The following HUWE1 variants were observed in gnomAD, a reference collection of about 807,000 sequenced individuals.
HUWE1 encodes HECT, UBA and WWE domain containing E3 ubiquitin protein ligase 1.
A neutral mutation model predicts 299.4 loss-of-function variants in HUWE1; 18 were observed. That is an observed-to-expected ratio of 0.06 (90% CI 0.04 to 0.09). The LOEUF (loss-of-function observed/expected upper bound fraction) is 0.09, where lower values mean the gene tolerates loss of function less well. Among genes scored for constraint, HUWE1 ranks in the 10% least tolerant of loss-of-function variants. HUWE1 has a pLI of 1.00. For missense variants in HUWE1, 1,832 were observed against 3,462.3 expected, an observed-to-expected ratio of 0.53 and a Z score of 11.82; for synonymous variants, 1,317 against 1,286.1, an observed-to-expected ratio of 1.02 and a Z score of -0.51.
chrX:53,590,296 T>C (rs2064089695), intron 35 of HUWE1, 108 bp downstream of exon 35: 2 of 598,186 alleles, frequency 3.3e-6, no homozygotes, highest in Non-Finnish European at 5.9e-6. Flanking sequence ...TTCTCATGTC[T>C]TCCTTTAGAT....
At chrX:53,594,465 G>A in intron 31 of HUWE1, 34 bp downstream of exon 31, 1 of 1,204,018 alleles carries the variant, frequency 8.3e-7, no homozygotes, top group East Asian at 3.0e-5. Context: ...CAAACTCCAA[G>A]AAATGCTCCT....
intron 9 of HUWE1, 66 bp downstream of exon 9, chrX:53,632,421 T>C (rs1557023490): frequency 6.1e-6 from 5 of 821,456 alleles, no homozygotes; most frequent in African/African-American, 4.0e-5. Context: ...TGAGGAGTTC[T>C]AGAAGAGGCA....
chrX:53,536,318 G>C (rs1238147423), intron 79 of HUWE1, 62 bp downstream of exon 79: 8 of 1,166,528 alleles, frequency 6.9e-6, no homozygotes, highest in Admixed American at 2.2e-5. Context: ...CACAAGGATG[G>C]GACACAAAAA....
rs781963902 is a variant in HUWE1 at position 53,603,394 on chromosome X, G to A, written c.2850C>T (p.Val950=). The change falls in exon 27 of 84, where the codon GTC becomes GTT. Residue 950 remains valine (V), a synonymous_variant. Transcript: ENST00000262854. The part of the protein sequence containing the change: ...LYCSLVWEST[V]LLSLCTPNSL... ...TGTTTGGGGTACACAGAGAGAGGAG[G>A]ACAGTGCTTTCCCACACCAGGGAAC... 2 of 1,208,876 alleles carry A rather than the reference G, an allele frequency of 1.7e-6. No homozygotes were observed. The highest frequency in any genetic ancestry group is 1.8e-5 in the South Asian group (1 of 56,828).
At position 53,537,485 on chromosome X, in the gene HUWE1, G is replaced by A. The variant is rs1402234225; in HGVS notation, c.12137+71C>T. The stretch of plus-strand genomic sequence containing the variant: ...GCACCTCCCTAAATTTGAGGCTAGA[G>A]CAAGCCATCGCTACTGTGCAGGAGG... On this transcript the variant is annotated intron_variant, in intron 78 of 83. Transcript: ENST00000262854. 4.6e-6 allele frequency: 5 copies of A among 1,098,374 alleles called. No individual in the cohort carries two copies. In the African/African-American group the frequency reaches 5.5e-5, roughly 12 times the overall value. 90.5% of individuals were successfully genotyped at this position (1,098,374 alleles called of 1,213,427 possible). A position where few individuals can be genotyped will look rare whatever the true frequency, so the allele number is the denominator to read the frequency against.
intron 73 of HUWE1, chrX:53,542,990 C>T (rs1024219743): frequency 8.5e-6 from 1 of 117,867 alleles, no homozygotes; most frequent in Admixed American, 8.9e-5. Context: ...CTCTCATGAG[C>T]GGGATTATTT....
chrX:53,539,936 T>G (rs1226248513), intron 74 of HUWE1, 124 bp from the exon 75 acceptor site: 2 of 608,264 alleles, frequency 3.3e-6, no homozygotes, highest in Non-Finnish European at 2.5e-6. Flanking sequence ...CACTGAGTGG[T>G]ACTCACCGAG....
chrX:53,555,299 G>A (rs1006271505), intron 60 of HUWE1, among the ~76,000 whole-genome samples: 1 of 111,907 alleles, frequency 8.9e-6, no homozygotes, highest in Non-Finnish European at 1.9e-5. Flanking sequence ...TCTATTTGGA[G>A]CAAGAAATGG....
Position 53,615,836 on chromosome X carries a change from C to CT in HUWE1, c.1958-2dup. The CT allele has an allele frequency of 2.5e-6, 3 of 1,184,575 alleles. No individual in the cohort carries two copies. The South Asian group carries it at 5.4e-5, about 21-fold the overall frequency. On this transcript the variant is annotated splice_acceptor_variant, in intron 21 of 83. Coordinates refer to ENST00000262854, the MANE Select transcript of HUWE1 (RefSeq NM_031407.7). LOFTEE classifies it high-confidence loss of function. ...CTCCCCAGGTTGGATGCAGTATCCC[C>CT]TTAAGGCAAAAAATGAACTGTTAGA...
intron 25 of HUWE1, among the ~76,000 whole-genome samples, chrX:53,606,641 G>A (rs1252039962): frequency 2.7e-5 from 3 of 111,771 alleles, no homozygotes; most frequent in Non-Finnish European, 3.8e-5. Context: ...AATATTATTA[G>A]GCCTTACAAG....
chrX:53,561,799 C>T lies in HUWE1; in HGVS notation c.7464G>A (p.Glu2488=). 1 of 1,211,357 alleles carries T rather than the reference C, an allele frequency of 8.3e-7. No individual in the cohort carries two copies. Among genetic ancestry groups the T allele is most frequent in the Non-Finnish European group, 1.1e-6 (1 of 895,313 alleles). ...PLVRFERFDR[E]DDLIIEFDNM... Reference sequence around the variant, plus strand: ...TGTCAAACTCAATGATGAGATCATCCTCCCGGTCAAAGCGCTCAAATCGGA... The same window carrying T: ...TGTCAAACTCAATGATGAGATCATCTTCCCGGTCAAAGCGCTCAAATCGGA... The change falls in exon 55 of 84, where the codon GAG becomes GAA. Residue 2488 remains glutamate (E), a synonymous_variant. Transcript: ENST00000262854.
chrX:53,545,168 A>G lies in HUWE1; in HGVS notation c.10916-7T>C, dbSNP rs1556921725. 2 of 1,209,506 alleles carry G rather than the reference A, an allele frequency of 1.7e-6. No homozygotes were observed. The highest frequency in any genetic ancestry group is 2.2e-6 in the Non-Finnish European group (2 of 894,400). On this transcript the variant is annotated splice_polypyrimidine_tract_variant and splice_region_variant and intron_variant, in intron 70 of 83. Coordinates refer to ENST00000262854, the MANE Select transcript of HUWE1 (RefSeq NM_031407.7). Reference sequence around the variant, plus strand: ...AGCTCGGCCAGCAGGGTACCTGAGCAGGCAGAGGAGTCAGCAAGTGTTCAG... The same window carrying G: ...AGCTCGGCCAGCAGGGTACCTGAGCGGGCAGAGGAGTCAGCAAGTGTTCAG...
intron 2 of HUWE1, among the ~76,000 whole-genome samples, chrX:53,685,708 A>T (rs1021235126): frequency 1.1e-4 from 12 of 112,171 alleles, no homozygotes; most frequent in Non-Finnish European, 2.1e-4. Context: ...ACTCTCGCAC[A>T]ACATTAAAGA....
intron 47 of HUWE1, among the ~76,000 whole-genome samples, chrX:53,573,332 G>C (rs1245080951): frequency 9.2e-6 from 1 of 109,278 alleles, no homozygotes; most frequent in Non-Finnish European, 1.9e-5. Flanking sequence ...TTGCCTCCTG[G>C]GTTCAAGTGA....
At chrX:53,578,147 A>G (rs2063279482) in intron 43 of HUWE1, among the ~76,000 whole-genome samples, 1 of 87,009 alleles carries the variant, frequency 1.1e-5, no homozygotes, top group African/African-American at 4.6e-5. Flanking sequence ...CCATCGTCTG[A>G]GATGTGGGGA....
intron 3 of HUWE1, among the ~76,000 whole-genome samples, chrX:53,660,020 T>C (rs1477523529): frequency 8.9e-6 from 1 of 112,288 alleles, no homozygotes; most frequent in Non-Finnish European, 1.9e-5. Context: ...TGACCTAGTG[T>C]ACTATACTAG....
At chrX:53,560,472 G>C (rs1425928445) in intron 55 of HUWE1, 56 bp from the exon 56 acceptor site, 1 of 1,048,937 alleles carries the variant, frequency 9.5e-7, no homozygotes, top group East Asian at 3.0e-5. Flanking sequence ...TTCCATGTTT[G>C]TTCAAGCAGA....
Position 53,537,618 on chromosome X carries a change from A to G in HUWE1, c.12075T>C (p.His4025=), listed in dbSNP as rs782799362. Residue 4025 remains histidine (H), a synonymous_variant, in exon 78 of 84, where the codon CAT becomes CAC. Transcript: ENST00000262854. ...EDMAVHVRRD[H]VFEDSYRELH... is the part of the protein sequence containing the mutation. ...GCTCACGATAGGAGTCTTCAAACAC[A>G]TGGTCACGACGGACATGCACAGCCA... The G allele has an allele frequency of 9.1e-6, 11 of 1,206,555 alleles. No homozygotes were observed. Among genetic ancestry groups the G allele is most frequent in the African/African-American group, 3.5e-5 (2 of 56,997 alleles).
rs1176139279 is a variant in HUWE1, at chrX:53,589,587, G to A, written c.4421C>T (p.Ala1474Val). The change falls in exon 36 of 84, where the codon GCA (alanine) becomes GTA (valine). Residue 1474 changes from alanine (A) to valine (V), a missense_variant. Transcript: ENST00000262854. ...LIMTAIKRNG[A>V]DYRDMILKQV... ...CTTCAGAATCATGTCACGATAATCT[G>A]CTCCATTACGTTTGATTGCTGTCAT... The A allele has an allele frequency of 8.3e-7, 1 of 1,208,827 alleles. No homozygotes were observed. Among genetic ancestry groups the A allele is most frequent in the African/African-American group, 1.8e-5 (1 of 57,036 alleles).
Sources: gnomAD v4.1 joint callset for allele counts (sites outside exome capture counted in the v4.1 genomes callset) on GRCh38, gnomAD v4.1.1 for gene constraint, MANE v1.5 for transcripts, NCBI Gene and HGNC (gene_info 2026-07-23, HGNC 2026-07-21) for gene names.